The following PCSK5 variants were observed in gnomAD, a reference collection of about 807,000 sequenced individuals.
PCSK5 encodes the protein proprotein convertase subtilisin/kexin type 5.
PCSK5 carries 129 observed loss-of-function variants against 233.2 expected under a neutral mutation model. The ratio of observed to expected loss-of-function variants is 0.55; its 90% CI spans 0.48 to 0.64. The LOEUF (loss-of-function observed/expected upper bound fraction) is 0.64, where lower values mean the gene tolerates loss of function less well. Among genes scored for constraint, PCSK5 ranks in the 30% least tolerant of loss-of-function variants. PCSK5 has a pLI of 0.00. For synonymous variants in PCSK5, 825 were observed against 879.2 expected (o/e 0.94, Z 1.09); for missense variants, 2,076 against 2,430.1 (o/e 0.85, Z 3.06).
chr9:76,078,553 T>C (rs1564012831), intron 7 of PCSK5, among the ~76,000 whole-genome samples: 1 of 152,194 alleles, frequency 6.6e-6, no homozygotes, highest in African/African-American at 2.4e-5. Context: ...CTATTACTTA[T>C]CCCAGCGCCA....
Position 76,321,490 on chromosome 9 carries a change from C to T in PCSK5, c.3953C>T (p.Ala1318Val). The T allele has an allele frequency of 6.2e-7, 1 of 1,612,296 alleles. No individual in the cohort carries two copies. Among genetic ancestry groups the T allele is most frequent in the Non-Finnish European group, 8.5e-7 (1 of 1,179,350 alleles). Residue 1318 changes from alanine to valine, a missense_variant, in exon 31 of 38, where the codon GCC becomes GTC. This residue lies in a region of PCSK5 where 1,510 missense variants were observed against 1,538.1 expected (regional missense o/e 0.98). Transcript: ENST00000674117. ...CCTTGCAGAACATGTGAAGGAAACG[C>T]CACCAACTGCCATTCTTGTGAAGGA... ...SSPCRTCEGN[A>V]TNCHSCEGGH...
At chr9:76,326,803 G>A (rs555077359) in intron 32 of PCSK5, among the ~76,000 whole-genome samples, 2 of 152,172 alleles carry the variant, frequency 1.3e-5, no homozygotes, top group Admixed American at 6.5e-5. Context: ...AGGTACTAAC[G>A]ACCATAAGCC....
At chr9:76,229,789 G>A (rs1027244412) in intron 21 of PCSK5, among the ~76,000 whole-genome samples, 5 of 152,166 alleles carry the variant, frequency 3.3e-5, no homozygotes, top group African/African-American at 9.7e-5. Flanking sequence ...AATACTCAGC[G>A]CCAGTGTTAA....
At chr9:76,332,341 C>G (rs998320968) in intron 33 of PCSK5, 92 bp from the exon 34 acceptor site, 25 of 872,328 alleles carry the variant, frequency 2.9e-5, no homozygotes, top group Middle Eastern at 6.9e-4. Flanking sequence ...GCAGCCCTCT[C>G]CTCCCTCCCG....
chr9:76,126,988 C>T (rs1822528107), intron 9 of PCSK5, among the ~76,000 whole-genome samples: 1 of 150,574 alleles, frequency 6.6e-6, no homozygotes, highest in African/African-American at 2.4e-5. Context: ...AATTCTAGAA[C>T]CCAAAATGCT....
chr9:75,913,268 CATCA>C (rs1822829399), intron 1 of PCSK5, among the ~76,000 whole-genome samples: 1 of 152,188 alleles, frequency 6.6e-6, no homozygotes, highest in Non-Finnish European at 1.5e-5. Flanking sequence ...TTTTCATTAC[CATCA>C]AAGTACCTGA....
chr9:76,096,984 T>C (rs753816112), intron 8 of PCSK5, among the ~76,000 whole-genome samples: 12 of 151,454 alleles, frequency 7.9e-5, no homozygotes, highest in Non-Finnish European at 1.3e-4. Context: ...CAGGCTGGAG[T>C]ACAGTGGTGC....
At chr9:75,912,658 G>A (rs1041077893) in intron 1 of PCSK5, among the ~76,000 whole-genome samples, 2 of 152,170 alleles carry the variant, frequency 1.3e-5, no homozygotes, top group African/African-American at 4.8e-5. Context: ...CCATTAGACA[G>A]CTTTGAGCAG....
intron 11 of PCSK5, among the ~76,000 whole-genome samples, chr9:76,157,706 A>G (rs1249535167): frequency 6.7e-6 from 1 of 149,450 alleles, no homozygotes; most frequent in Non-Finnish European, 1.5e-5. Flanking sequence ...TCTGAAAAAT[A>G]TTTTTGAACT....
chr9:75,978,470 T>C (rs892797697), intron 2 of PCSK5, among the ~76,000 whole-genome samples: 3 of 152,150 alleles, frequency 2.0e-5, no homozygotes, highest in African/African-American at 7.2e-5. Context: ...TTTGCCCAAG[T>C]GGCCAGACTA....
intron 3 of PCSK5, among the ~76,000 whole-genome samples, chr9:76,005,728 G>A (rs1389215322): frequency 6.6e-6 from 1 of 152,140 alleles, no homozygotes; most frequent in Non-Finnish European, 1.5e-5. Context: ...AAGGTAGAAG[G>A]GAATATAGCA....
At chr9:76,190,534 T>C (rs1824322372) in intron 20 of PCSK5, among the ~76,000 whole-genome samples, 1 of 152,202 alleles carries the variant, frequency 6.6e-6, no homozygotes, top group Non-Finnish European at 1.5e-5. Flanking sequence ...CCTATGTTTT[T>C]ACAAAGTTTT....
chr9:76,347,263 G>C (rs544547887), intron 35 of PCSK5, among the ~76,000 whole-genome samples: 1 of 152,114 alleles, frequency 6.6e-6, no homozygotes, highest in East Asian at 1.9e-4. Context: ...TTCATCCCAT[G>C]GGGTTCAGTC....
At chr9:75,935,233 A>G (rs1056270751) in intron 2 of PCSK5, among the ~76,000 whole-genome samples, 1 of 151,908 alleles carries the variant, frequency 6.6e-6, no homozygotes, top group Admixed American at 6.6e-5. Context: ...ACGCCCAGCT[A>G]ATTTTTTGTA....
At chr9:76,285,290 G>A (rs1312034504) in intron 24 of PCSK5, among the ~76,000 whole-genome samples, 3 of 152,170 alleles carry the variant, frequency 2.0e-5, no homozygotes, top group Admixed American at 2.0e-4. Context: ...GATTGTCTGG[G>A]AGAAGCAAGT....
chr9:76,341,045 T>C (rs1317248284), intron 35 of PCSK5, among the ~76,000 whole-genome samples: 1 of 138,394 alleles, frequency 7.2e-6, no homozygotes, highest in Non-Finnish European at 1.6e-5. Flanking sequence ...CGAAATCCTG[T>C]TTCTACAGAA....
intron 24 of PCSK5, among the ~76,000 whole-genome samples, chr9:76,258,865 A>G (rs747380408): frequency 2.0e-5 from 3 of 152,204 alleles, no homozygotes; most frequent in Non-Finnish European, 4.4e-5. Context: ...AATCCGAACC[A>G]TGAAGTCAGT....
At chr9:76,241,956 AT>A (rs1826444138) in intron 24 of PCSK5, among the ~76,000 whole-genome samples, 1 of 152,136 alleles carries the variant, frequency 6.6e-6, no homozygotes, top group African/African-American at 2.4e-5. Flanking sequence ...GGGCCTGAGG[AT>A]TTGTGTTTCT....
intron 16 of PCSK5, among the ~76,000 whole-genome samples, chr9:76,184,041 CA>C (rs1823989850): frequency 2.0e-5 from 3 of 152,112 alleles, no homozygotes; most frequent in Admixed American, 2.0e-4. Flanking sequence ...TTCTATTCTC[CA>C]GAATATAGAT....
Sources: gnomAD v4.1 joint callset for allele counts (sites outside exome capture counted in the v4.1 genomes callset) on GRCh38, gnomAD v4.1.1 for gene constraint, gnomAD v4.1.1 regional missense constraint, MANE v1.5 for transcripts, NCBI Gene and HGNC (gene_info 2026-07-23, HGNC 2026-07-21) for gene names.